VPS13B: variants seen among roughly 807,000 people sequenced by gnomAD.
VPS13B encodes intermembrane lipid transfer protein VPS13B.
VPS13B carries 285 observed loss-of-function variants against 426.4 expected under a neutral mutation model. The observed-to-expected ratio is 0.67, with a 90% CI of 0.61 to 0.74. VPS13B has a LOEUF of 0.74. VPS13B is among the 30% of genes least tolerant of loss of function. The pLI is 0.00. For synonymous variants in VPS13B, 1,676 were observed against 1,676.4 expected (o/e 1.00, Z 0.01); for missense variants, 4,537 against 4,782.6 (o/e 0.95, Z 1.51).
intron 17 of VPS13B, among the ~76,000 whole-genome samples, chr8:99,223,892 A>G (rs981860955): frequency 2.6e-5 from 4 of 152,176 alleles, no homozygotes; most frequent in African/African-American, 7.2e-5. Context: ...TTTTTTCACC[A>G]CTTCTGCACC....
chr8:99,767,934 C>A (rs1382447322), intron 40 of VPS13B, among the ~76,000 whole-genome samples: 2 of 151,858 alleles, frequency 1.3e-5, no homozygotes, highest in Non-Finnish European at 2.9e-5. Context: ...GTCACACACA[C>A]CAAAAAAAAT....
chr8:99,139,434 CTTT>C (rs368548690), intron 12 of VPS13B, among the ~76,000 whole-genome samples: 8 of 135,642 alleles, frequency 5.9e-5, no homozygotes, highest in Non-Finnish European at 7.9e-5. Context: ...TTGATATTTC[CTTT>C]TTTTTTTTTT....
chr8:99,308,426 G>A lies in VPS13B; in HGVS notation c.2824+33172G>A, dbSNP rs367850400. On this transcript the variant is annotated intron_variant, in intron 19 of 61. Coordinates refer to ENST00000357162, the MANE Select transcript of VPS13B (RefSeq NM_152564.5). ...TTCCCACCTATGAGTGAGAACATGC[G>A]GTGTTTGGTTTTTTGTCCTTGCGAT... is the stretch of plus-strand genomic sequence containing the variant. Among the ~76,000 whole-genome samples the A allele has an allele frequency of 2.1e-4, 32 of 152,060 alleles. No homozygotes were observed. The East Asian group carries it at 5.2e-3, about 25-fold the overall frequency.
At chr8:99,066,312 C>A (rs1158425829) in intron 3 of VPS13B, among the ~76,000 whole-genome samples, 1 of 152,160 alleles carries the variant, frequency 6.6e-6, no homozygotes, top group Admixed American at 6.5e-5. Flanking sequence ...ATATATAGAC[C>A]AATGGAACAG....
chr8:99,031,806 A>G (rs1842519631), intron 2 of VPS13B, among the ~76,000 whole-genome samples: 1 of 152,126 alleles, frequency 6.6e-6, no homozygotes, highest in Non-Finnish European at 1.5e-5. Flanking sequence ...CTCAGCTGCC[A>G]TTTTCTGATT....
intron 40 of VPS13B, among the ~76,000 whole-genome samples, chr8:99,770,389 G>A (rs1037356379): frequency 8.3e-5 from 12 of 144,170 alleles, no homozygotes; most frequent in East Asian, 4.1e-4. Context: ...TACTCCCATC[G>A]TGTATGTATT....
chr8:99,298,363 C>CTG (rs1397246113), intron 19 of VPS13B, among the ~76,000 whole-genome samples: 1 of 152,136 alleles, frequency 6.6e-6, no homozygotes, highest in Non-Finnish European at 1.5e-5. Flanking sequence ...TAGCACATGC[C>CTG]TGTAATCCCA....
At chr8:99,184,344 A>C (rs545355894) in intron 16 of VPS13B, among the ~76,000 whole-genome samples, 1 of 152,178 alleles carries the variant, frequency 6.6e-6, no homozygotes, top group African/African-American at 2.4e-5. Context: ...ACAATGTATG[A>C]GGTTCTTGTT....
chr8:99,202,820 G>C (rs897713789), intron 17 of VPS13B, among the ~76,000 whole-genome samples: 3 of 152,002 alleles, frequency 2.0e-5, no homozygotes, highest in African/African-American at 7.3e-5. Flanking sequence ...ACGAGGTCAG[G>C]AGATCGAGAC....
chr8:99,634,983 A>G (rs1473493507), intron 33 of VPS13B, among the ~76,000 whole-genome samples: 16 of 152,044 alleles, frequency 1.1e-4, no homozygotes, highest in Non-Finnish European at 2.9e-5. Flanking sequence ...CTATTTATAT[A>G]AAGCTTCCAG....
chr8:99,267,549 G>C, intron 17 of VPS13B, among the ~76,000 whole-genome samples: 1 of 151,890 alleles, frequency 6.6e-6, no homozygotes, highest in East Asian at 1.9e-4. Context: ...CTAACATGGA[G>C]AAACCCTTCT....
At chr8:99,113,912 A>G (rs999759142) in intron 6 of VPS13B, among the ~76,000 whole-genome samples, 11 of 152,060 alleles carry the variant, frequency 7.2e-5, no homozygotes, top group African/African-American at 2.7e-4. Context: ...GAATGTATTT[A>G]TATGTTGGGT....
At chr8:99,235,449 G>A (rs1248193400) in intron 17 of VPS13B, among the ~76,000 whole-genome samples, 2 of 152,150 alleles carry the variant, frequency 1.3e-5, no homozygotes, top group Non-Finnish European at 2.9e-5. Context: ...ATGGAAAGTA[G>A]TAAAATCTGT....
At chr8:99,341,966 C>A (rs1811276576) in intron 19 of VPS13B, among the ~76,000 whole-genome samples, 1 of 152,178 alleles carries the variant, frequency 6.6e-6, no homozygotes, top group African/African-American at 2.4e-5. Context: ...TTCTATAATT[C>A]TTAATTCAGG....
intron 27 of VPS13B, 147 bp from the exon 28 acceptor site, chr8:99,506,990 A>G: frequency 2.5e-6 from 2 of 794,918 alleles, no homozygotes; most frequent in East Asian, 2.6e-5. Context: ...GCTAATGTAA[A>G]TTGTTCTATT....
rs761318086 is a variant in VPS13B at position 99,684,468 on chromosome 8, ACTCT to A, written c.6047-15052_6047-15049del. 6.8e-4 allele frequency among the ~76,000 whole-genome samples: 103 copies of A among 151,894 alleles called. 1 individual carries two copies. The highest frequency in any genetic ancestry group is 7.1e-4 in the Non-Finnish European group (48 of 67,972). The stretch of plus-strand genomic sequence containing the variant: ...CCAGAAATAGAGGGCTTCTCCTTGA[ACTCT>A]CTCTATCTCCACATGATATCCACTT... On this transcript the variant is annotated intron_variant, in intron 35 of 61. Coordinates refer to ENST00000357162, the MANE Select transcript of VPS13B (RefSeq NM_152564.5).
Position 99,175,677 on chromosome 8 carries a change from C to A in VPS13B, c.2333+5514C>A, listed in dbSNP as rs577914550. ...GAGGCTGAGGTGGGAGGATCACTTGCGCTCGGGAGATTGAGGCTGCAGTGA... is the reference window on the plus strand; with the variant it reads ...GAGGCTGAGGTGGGAGGATCACTTGAGCTCGGGAGATTGAGGCTGCAGTGA... On this transcript the variant is annotated intron_variant, in intron 16 of 61. Coordinates refer to ENST00000357162, the MANE Select transcript of VPS13B (RefSeq NM_152564.5). 5.9e-5 allele frequency among the ~76,000 whole-genome samples: 9 copies of A among 152,128 alleles called. No individual in the cohort carries two copies. In the East Asian group the frequency reaches 1.7e-3, roughly 29 times the overall value.
chr8:99,235,305 A>C (rs955265631), intron 17 of VPS13B, among the ~76,000 whole-genome samples: 2 of 152,324 alleles, frequency 1.3e-5, no homozygotes, highest in South Asian at 2.1e-4. Context: ...TCAACTCTTA[A>C]CATGCTTAAT....
At chr8:99,153,538 AT>A (rs987149657) in intron 14 of VPS13B, among the ~76,000 whole-genome samples, 1 of 152,180 alleles carries the variant, frequency 6.6e-6, no homozygotes, top group Non-Finnish European at 1.5e-5. Flanking sequence ...CCACTTTCAA[AT>A]AACACCATAC....
Sources: allele counts gnomAD v4.1 joint callset (sites outside exome capture counted in the v4.1 genomes callset), GRCh38; gene constraint gnomAD v4.1.1; transcripts MANE v1.5; gene names NCBI Gene and HGNC (gene_info 2026-07-23, HGNC 2026-07-21).